The following ZNF205 variants were observed in gnomAD, a reference collection of about 807,000 sequenced individuals.
ZNF205 encodes the protein transcriptional repressor RHIT.
In ZNF205, 32 loss-of-function variants were observed where a neutral mutation model predicts 53.6. The ratio of observed to expected loss-of-function variants is 0.60; its 90% CI spans 0.45 to 0.80. The LOEUF is 0.80. ZNF205 is among the 30% of genes least tolerant of loss of function. ZNF205 has a pLI of 0.00. For missense variants in ZNF205, 836 were observed against 782.4 expected (o/e 1.07, Z -0.82); for synonymous variants, 382 against 334.3 (o/e 1.14, Z -1.56).
chr16:3,115,582 G>T lies in ZNF205; in HGVS notation c.271+14G>T, dbSNP rs750119676. On this transcript the variant is annotated intron_variant, in intron 3 of 6. Coordinates refer to ENST00000219091, the MANE Select transcript of ZNF205 (RefSeq NM_001042428.2). ...TGCCTGGCGGAGGTAGGAGAGGGAC[G>T]GGGAAGAGGCGCTTTCCCAGGGAGG... 1 of 1,576,142 alleles carries T rather than the reference G, an allele frequency of 6.3e-7. No individual in the cohort carries two copies. Among genetic ancestry groups the T allele is most frequent in the African/African-American group, 1.4e-5 (1 of 72,814 alleles).
intron 1 of ZNF205, 191 bp downstream of exon 1, chr16:3,112,873 G>A (rs892708876): frequency 5.0e-6 from 1 of 200,282 alleles, no homozygotes; most frequent in Non-Finnish European, 1.0e-5. Flanking sequence ...CAGGCCTGGG[G>A]CAGGTGGTTG....
intron 5 of ZNF205, among the ~76,000 whole-genome samples, chr16:3,117,642 G>T (rs1957362817): frequency 6.6e-6 from 1 of 150,870 alleles, no homozygotes; most frequent in Admixed American, 6.6e-5. Flanking sequence ...TGGTAGAAAT[G>T]GGATCTCGCT....
chr16:3,119,028 C>T lies in ZNF205; in HGVS notation c.595+13C>T, dbSNP rs761487144. 8 of 1,610,536 alleles carry T rather than the reference C, an allele frequency of 5.0e-6. No homozygotes were observed. Among genetic ancestry groups the T allele is most frequent in the South Asian group, 1.1e-5 (1 of 90,862 alleles). Reference sequence around the variant, plus strand: ...GGCGCGTGCACAGGTGAGGGACGGGCGCGCGCCTTTGTCTGCGGGAGTGGG... The same window carrying T: ...GGCGCGTGCACAGGTGAGGGACGGGTGCGCGCCTTTGTCTGCGGGAGTGGG... On this transcript the variant is annotated intron_variant, in intron 6 of 6. Transcript: ENST00000219091.
At chr16:3,114,068 T>G (rs937462844) in intron 2 of ZNF205, among the ~76,000 whole-genome samples, 1 of 152,054 alleles carries the variant, frequency 6.6e-6, no homozygotes, top group South Asian at 2.1e-4. Flanking sequence ...GCAGGGTCAC[T>G]GGGAGGCTCT....
chr16:3,116,494 C>T lies in ZNF205; in HGVS notation c.431C>T (p.Thr144Met), dbSNP rs868146443. 1.2e-5 allele frequency: 20 copies of T among 1,613,988 alleles called. No homozygotes were observed. The highest frequency in any genetic ancestry group is 2.7e-5 in the African/African-American group (2 of 74,914). Residue 144 changes from threonine (T) to methionine (M), a missense_variant, in exon 5 of 7, where the codon ACG becomes ATG. Coordinates refer to ENST00000219091, the MANE Select transcript of ZNF205 (RefSeq NM_001042428.2). ...GAGGAGTGGGGACGGCTGGACCACA[C>T]GCAGCAGAACTTCTACAGGGATGTC... ...SREEWGRLDH[T>M]QQNFYRDVLQ...
In ZNF205 at chr16:3,114,172, C is replaced by T. The variant is rs752228093; in HGVS notation, c.57+685C>T. ...ATGGTTCAGTTTCCCATCCACTTCCCGTGTGCCTTGAACACCTTGGGCATG... is the reference window on the plus strand; with the variant it reads ...ATGGTTCAGTTTCCCATCCACTTCCTGTGTGCCTTGAACACCTTGGGCATG... On this transcript the variant is annotated intron_variant, in intron 2 of 6. Transcript: ENST00000219091. 5.3e-5 allele frequency among the ~76,000 whole-genome samples: 8 copies of T among 152,282 alleles called. No individual in the cohort carries two copies. In the East Asian group the frequency reaches 9.7e-4, roughly 18 times the overall value.
chr16:3,114,686 C>G (rs1481061392), intron 2 of ZNF205: 1 of 152,258 alleles, frequency 6.6e-6, no homozygotes. Flanking sequence ...GGGCTGAAAA[C>G]AACCAGAATT....
intron 1 of ZNF205, chr16:3,113,020 C>T (rs190315192): frequency 1.4e-5 from 3 of 222,154 alleles, no homozygotes; most frequent in Non-Finnish European, 2.7e-5. Flanking sequence ...CCTTGACGGG[C>T]GGGGCCCCAC....
At chr16:3,114,662 T>G (rs1489421856) in intron 2 of ZNF205, 1 of 152,232 alleles carries the variant, frequency 6.6e-6, no homozygotes, top group Non-Finnish European at 1.5e-5. Flanking sequence ...TGTAACAAGT[T>G]TCCACTCTCT....
intron 5 of ZNF205, among the ~76,000 whole-genome samples, chr16:3,117,198 T>C (rs1222748905): frequency 3.3e-5 from 5 of 152,186 alleles, no homozygotes; most frequent in African/African-American, 1.2e-4. Context: ...TTTCCTGGGT[T>C]CATCCGCAGG....
chr16:3,119,455 G>T lies in ZNF205; in HGVS notation c.795G>T (p.Pro265=), dbSNP rs372724337. 5 of 1,591,026 alleles carry T rather than the reference G, an allele frequency of 3.1e-6. No individual in the cohort carries two copies. In the Admixed American group the frequency reaches 5.3e-5, roughly 17 times the overall value. The stretch of plus-strand genomic sequence containing the variant: ...CAGATCGCACCCCGGATGCAGCTCC[G>T]CCAGACCCCAGTCCCACGGAGCCCC... ...AEPDRTPDAA[P]PDPSPTEPQE... The change falls in exon 7 of 7, where the codon CCG becomes CCT. Residue 265 remains proline (P), a synonymous_variant. Transcript: ENST00000219091.
intron 5 of ZNF205, among the ~76,000 whole-genome samples, chr16:3,116,842 T>C (rs941567131): frequency 2.1e-4 from 32 of 152,252 alleles, no homozygotes; most frequent in African/African-American, 7.5e-4. Context: ...TCACCCAGGC[T>C]GGAACACAGT....
At chr16:3,113,010 C>A (rs910270926) in intron 1 of ZNF205, 1 of 221,876 alleles carries the variant, frequency 4.5e-6, no homozygotes, top group African/African-American at 2.4e-5. Context: ...ATTACCCTGG[C>A]CTTGACGGGC....
At chr16:3,114,674 G>C (rs967898552) in intron 2 of ZNF205, 1 of 152,222 alleles carries the variant, frequency 6.6e-6, no homozygotes, top group Admixed American at 6.6e-5. Flanking sequence ...CCACTCTCTG[G>C]GGGGCTGAAA....
At chr16:3,118,871 G>C (rs2151231281) in intron 5 of ZNF205, 34 bp from the exon 6 acceptor site, 2 of 1,603,064 alleles carry the variant, frequency 1.2e-6, no homozygotes, top group East Asian at 4.5e-5. Context: ...AGCGCCAGAA[G>C]GCCTGTGACA....
At position 3,119,413 on chromosome 16, in the gene ZNF205, C is replaced by T; in HGVS notation, c.753C>T (p.Ser251=). 6.2e-7 allele frequency: 1 copy of T among 1,606,470 alleles called. No homozygotes were observed. Among genetic ancestry groups the T allele is most frequent in the Non-Finnish European group, 8.5e-7 (1 of 1,177,406 alleles). Reference sequence around the variant, plus strand: ...GGAGCTCAGGGCCGGCCAAAGACTCCGGGCAGCCGGCTGAGCCAGATCGCA... The same window carrying T: ...GGAGCTCAGGGCCGGCCAAAGACTCTGGGCAGCCGGCTGAGCCAGATCGCA... The part of the protein sequence containing the change: ...CGRSSGPAKD[S]GQPAEPDRTP... Residue 251 remains serine, a synonymous_variant, in exon 7 of 7, where the codon TCC becomes TCT. Transcript: ENST00000219091.
rs148179725 is a variant in ZNF205, at chr16:3,115,517, G to T, written c.220G>T (p.Ala74Ser). The stretch of plus-strand genomic sequence containing the variant: ...TGGGGCTCAAGGTGCCTGGGGCTGG[G>T]CACCCCTAAGTCACGGCTCTAAGGA... ...EDGAQGAWGW[A>S]PLSHGSKEKA... The change falls in exon 3 of 7, where the codon GCA (alanine) becomes TCA (serine). Residue 74 changes from alanine (A) to serine (S), a missense_variant. Coordinates refer to ENST00000219091, the MANE Select transcript of ZNF205 (RefSeq NM_001042428.2). The T allele has an allele frequency of 2.1e-5, 34 of 1,602,394 alleles. No homozygotes were observed. Among genetic ancestry groups the T allele is most frequent in the African/African-American group, 1.3e-5 (1 of 74,126 alleles).
At chr16:3,113,928 C>T (rs1013011524) in intron 2 of ZNF205, among the ~76,000 whole-genome samples, 2 of 151,788 alleles carry the variant, frequency 1.3e-5, no homozygotes, top group African/African-American at 4.8e-5. Context: ...TTGTGGGGGA[C>T]CTGGGTCTCC....
chr16:3,113,362 A>G lies in ZNF205; in HGVS notation c.-14-55A>G. 2.5e-6 allele frequency: 4 copies of G among 1,579,124 alleles called. No homozygotes were observed. The South Asian group carries it at 4.5e-5, about 18-fold the overall frequency. ...CTGCTCTTCTAGGCTCCTGGCCAGA[A>G]GCTGGAGGGGGCTTGGCCAAAAAGA... On this transcript the variant is annotated intron_variant, in intron 1 of 6. Transcript: ENST00000219091.
Sources: gnomAD v4.1 joint callset for allele counts (sites outside exome capture counted in the v4.1 genomes callset) on GRCh38, gnomAD v4.1.1 for gene constraint, MANE v1.5 for transcripts, NCBI Gene and HGNC (gene_info 2026-07-23, HGNC 2026-07-21) for gene names.